CCDC126: variants seen among roughly 807,000 people sequenced by gnomAD.
CCDC126 encodes the protein coiled-coil domain containing 126, also known as coiled-coil domain-containing protein 126.
In CCDC126, 5 loss-of-function variants were observed where a neutral mutation model predicts 11.7. That is an observed-to-expected ratio of 0.43 (90% CI 0.22 to 0.90). The LOEUF (loss-of-function observed/expected upper bound fraction) is 0.90. Ranked by LOEUF, CCDC126 falls within the 40% of genes least tolerant of loss-of-function variation. The probability of loss-of-function intolerance (pLI) is 0.27; values close to 1 mark genes in which losing one functional copy is unlikely to be tolerated. For missense variants in CCDC126, 150 were observed against 163.1 expected, an observed-to-expected ratio of 0.92 and a Z score of 0.44; for synonymous variants, 60 against 61.9, an observed-to-expected ratio of 0.97 and a Z score of 0.14.
chr7:23,599,122 C>CAGTT (rs1027947497), intron 2 of CCDC126, among the ~76,000 whole-genome samples: 1 of 152,164 alleles, frequency 6.6e-6, no homozygotes, highest in African/African-American at 2.4e-5. Flanking sequence ...CTCTACCAGC[C>CAGTT]AGTTATCACT....
At chr7:23,620,798 G>A (rs1782879355) in intron 3 of CCDC126, among the ~76,000 whole-genome samples, 1 of 152,106 alleles carries the variant, frequency 6.6e-6, no homozygotes, top group Non-Finnish European at 1.5e-5. Flanking sequence ...TCTACATATG[G>A]CTAGCCAGTT....
chr7:23,631,292 C>A (rs1169516607), intron 3 of CCDC126, among the ~76,000 whole-genome samples: 1 of 152,084 alleles, frequency 6.6e-6, no homozygotes, highest in Non-Finnish European at 1.5e-5. Context: ...AAATTACCAA[C>A]ATCAGGAATG....
Position 23,643,676 on chromosome 7 carries a change from T to C in CCDC126, c.*561T>C. 6.6e-6 allele frequency: 1 copy of C among 152,648 alleles called. No homozygotes were observed. Among genetic ancestry groups the C allele is most frequent in the Non-Finnish European group, 1.5e-5 (1 of 68,022 alleles). 9.5% of individuals were successfully genotyped at this position (152,648 alleles called of 1,614,324 possible). ...ACCCAAAGAATGTATTGATTTGCACTATCCTTCAGAATAACTGAAGGTTAA... is the reference window on the plus strand; with the variant it reads ...ACCCAAAGAATGTATTGATTTGCACCATCCTTCAGAATAACTGAAGGTTAA... On this transcript the variant is annotated 3_prime_UTR_variant, in exon 4 of 4. Coordinates refer to ENST00000307471, the MANE Select transcript of CCDC126 (RefSeq NM_138771.4).
At chr7:23,602,289 A>G (rs545753585) in intron 2 of CCDC126, 13 of 152,332 alleles carry the variant, frequency 8.5e-5, no homozygotes, top group Non-Finnish European at 1.8e-4. Context: ...AATTATATTT[A>G]AAATGCTTAA....
chr7:23,638,683 C>A, intron 3 of CCDC126, among the ~76,000 whole-genome samples: 1 of 120,618 alleles, frequency 8.3e-6, no homozygotes, highest in East Asian at 2.3e-4. Context: ...CCAAATCCCC[C>A]TCTGCGAGAA....
intron 2 of CCDC126, among the ~76,000 whole-genome samples, chr7:23,610,338 G>A (rs998043118): frequency 6.6e-6 from 1 of 151,930 alleles, no homozygotes; most frequent in Non-Finnish European, 1.5e-5. Flanking sequence ...CACCTTCCTG[G>A]GTAGCTGGGA....
At position 23,638,863 on chromosome 7, in the gene CCDC126, CAAAAAAAAA is replaced by C. The variant is rs61374394; in HGVS notation, c.239-4054_239-4046del. On this transcript the variant is annotated intron_variant, in intron 3 of 3. Transcript: ENST00000307471. ...ATGATGTAATACAATAATAAATTAA[CAAAAAAAAA>C]AAAAAAAAAAAAAGACTGTCCCCTG... 3.1e-3 allele frequency among the ~76,000 whole-genome samples: 334 copies of C among 108,572 alleles called. 4 individuals carry two copies. The highest frequency in any genetic ancestry group is 0.011 in the African/African-American group (309 of 28,778). The allele number at this position is 108,572 out of a possible 152,430, so 71.2% of individuals were successfully genotyped here.
At chr7:23,611,794 T>C (rs1782715117) in intron 3 of CCDC126, among the ~76,000 whole-genome samples, 1 of 152,228 alleles carries the variant, frequency 6.6e-6, no homozygotes, top group African/African-American at 2.4e-5. Context: ...TGTTGAAGAA[T>C]ATTTAAACTA....
intron 3 of CCDC126, among the ~76,000 whole-genome samples, chr7:23,621,607 C>T (rs1314859301): frequency 1.1e-4 from 16 of 152,142 alleles, no homozygotes; most frequent in Non-Finnish European, 2.2e-4. Context: ...CCAGAACTTC[C>T]AACACTATGT....
intron 3 of CCDC126, among the ~76,000 whole-genome samples, chr7:23,640,075 CGGG>C (rs1183729683): frequency 6.6e-6 from 1 of 151,822 alleles, no homozygotes; most frequent in African/African-American, 2.4e-5. Flanking sequence ...CCCAGCTACT[CGGG>C]AGGCTGAGGC....
chr7:23,606,311 G>A (rs1252313197), intron 2 of CCDC126, among the ~76,000 whole-genome samples: 1 of 152,098 alleles, frequency 6.6e-6, no homozygotes, highest in African/African-American at 2.4e-5. Context: ...GCCTGCCTTG[G>A]CCTCCCAAAG....
At chr7:23,630,575 G>A (rs1030590963) in intron 3 of CCDC126, among the ~76,000 whole-genome samples, 1 of 151,964 alleles carries the variant, frequency 6.6e-6, no homozygotes, top group African/African-American at 2.4e-5. Context: ...GGGAGGCCAA[G>A]GTGGGCAGAT....
chr7:23,622,603 G>C, intron 3 of CCDC126: 2 of 536,686 alleles, frequency 3.7e-6, no homozygotes, highest in Non-Finnish European at 7.6e-6. Context: ...TGGGGCAGAA[G>C]TATTGAGTGG....
intron 2 of CCDC126, among the ~76,000 whole-genome samples, chr7:23,606,119 C>T (rs917265895): frequency 6.6e-6 from 1 of 151,962 alleles, no homozygotes; most frequent in Non-Finnish European, 1.5e-5. Context: ...AGTGCAGTCG[C>T]GTGATCTCTG....
rs140135191 is a variant in CCDC126, at chr7:23,635,591, A to G, written c.239-7340A>G. On this transcript the variant is annotated intron_variant, in intron 3 of 3. Coordinates refer to ENST00000307471, the MANE Select transcript of CCDC126 (RefSeq NM_138771.4). ...AATGAAGTGATTTTATGTCATGGAG[A>G]AAGATAGATATAATCTCTTAGTCTC... is the stretch of plus-strand genomic sequence containing the variant. 1.8e-4 allele frequency among the ~76,000 whole-genome samples: 27 copies of G among 152,344 alleles called. 2 individuals are homozygous for G. Among genetic ancestry groups the G allele is most frequent in the African/African-American group, 4.6e-4 (19 of 41,584 alleles).
At chr7:23,639,311 C>T (rs962523269) in intron 3 of CCDC126, among the ~76,000 whole-genome samples, 18 of 151,820 alleles carry the variant, frequency 1.2e-4, no homozygotes, top group Non-Finnish European at 2.1e-4. Flanking sequence ...TCTGCTTCAG[C>T]CTCCCGAGTA....
intron 3 of CCDC126, among the ~76,000 whole-genome samples, chr7:23,639,149 A>G (rs556352058): frequency 1.3e-5 from 2 of 151,384 alleles, no homozygotes; most frequent in Non-Finnish European, 2.9e-5. Flanking sequence ...AACATCATAT[A>G]TCTTTCATCT....
At chr7:23,599,033 C>T (rs1000757169) in intron 2 of CCDC126, among the ~76,000 whole-genome samples, 1 of 152,138 alleles carries the variant, frequency 6.6e-6, no homozygotes, top group Non-Finnish European at 1.5e-5. Context: ...CTTCCTGCTT[C>T]AGGTCATATA....
chr7:23,618,099 AACC>A (rs1169597008), intron 3 of CCDC126, among the ~76,000 whole-genome samples: 1 of 152,228 alleles, frequency 6.6e-6, no homozygotes, highest in East Asian at 1.9e-4. Context: ...CTCTTCATAG[AACC>A]AGGACACATT....
Sources: allele counts gnomAD v4.1 joint callset (sites outside exome capture counted in the v4.1 genomes callset), GRCh38; gene constraint gnomAD v4.1.1; transcripts MANE v1.5; gene names NCBI Gene and HGNC (gene_info 2026-07-23, HGNC 2026-07-21).